KCNIP4: variants seen among roughly 807,000 people sequenced by gnomAD.
KCNIP4 encodes Kv channel-interacting protein 4.
Under a neutral mutation model 34.0 loss-of-function variants are expected in KCNIP4, and 12 were observed. That is an observed-to-expected ratio of 0.35 (90% CI 0.23 to 0.57). The LOEUF is 0.57. Among genes scored for constraint, KCNIP4 ranks in the 20% least tolerant of loss-of-function variants. The probability of loss-of-function intolerance (pLI) is 0.83; values close to 1 mark genes in which losing one functional copy is unlikely to be tolerated. For synonymous variants in KCNIP4, 124 were observed against 102.2 expected (o/e 1.21, Z -1.29); for missense variants, 238 against 311.7 (o/e 0.76, Z 1.78).
At chr4:20,856,497 A>C (rs937406419) in intron 2 of KCNIP4, among the ~76,000 whole-genome samples, 13 of 152,112 alleles carry the variant, frequency 8.5e-5, no homozygotes, top group African/African-American at 2.9e-4. Flanking sequence ...TGATCTGCTC[A>C]TGTTTGTTTT....
At chr4:21,038,738 G>C (rs1356085978) in intron 1 of KCNIP4, among the ~76,000 whole-genome samples, 1 of 152,180 alleles carries the variant, frequency 6.6e-6, no homozygotes, top group East Asian at 1.9e-4. Flanking sequence ...TAAATTCCAA[G>C]TATTTTACAA....
chr4:21,556,935 A>AAAACAAAAAAAAACAAAAC (rs1270870368), intron 1 of KCNIP4, among the ~76,000 whole-genome samples: 272 of 149,214 alleles, frequency 1.8e-3, no homozygotes, highest in Non-Finnish European at 3.0e-3. Flanking sequence ...AAAAAAAAAA[A>AAAACAAAAAAAAACAAAAC]AAAAAAAACC....
intron 3 of KCNIP4, among the ~76,000 whole-genome samples, chr4:20,782,163 T>A (rs1387078145): frequency 6.6e-6 from 1 of 152,156 alleles, no homozygotes; most frequent in Non-Finnish European, 1.5e-5. Context: ...CTTGGGAAGC[T>A]CTGCCCCTGT....
chr4:20,780,739 C>A (rs571893556), intron 3 of KCNIP4, among the ~76,000 whole-genome samples: 48 of 152,216 alleles, frequency 3.2e-4, no homozygotes, highest in African/African-American at 1.1e-3. Flanking sequence ...GTTATTAGCA[C>A]GGAGAAAAGG....
intron 1 of KCNIP4, among the ~76,000 whole-genome samples, chr4:21,483,933 C>G (rs370591405): frequency 6.3e-4 from 96 of 152,244 alleles, no homozygotes; most frequent in Middle Eastern, 3.4e-3. Flanking sequence ...TTTCCTGAGG[C>G]CTCCCAGGAA....
At chr4:21,573,233 G>C (rs1221846895) in intron 1 of KCNIP4, among the ~76,000 whole-genome samples, 2 of 152,112 alleles carry the variant, frequency 1.3e-5, no homozygotes, top group East Asian at 3.9e-4. Flanking sequence ...GTCAGGCACA[G>C]TACCAGGAAC....
chr4:20,776,562 T>C (rs1283047489), intron 3 of KCNIP4, among the ~76,000 whole-genome samples: 1 of 152,228 alleles, frequency 6.6e-6, no homozygotes, highest in African/African-American at 2.4e-5. Context: ...CTGAAAGAAT[T>C]AGAATGCTAT....
At chr4:20,937,261 G>GT (rs1216837771) in intron 1 of KCNIP4, among the ~76,000 whole-genome samples, 3 of 80,800 alleles carry the variant, frequency 3.7e-5, no homozygotes, top group African/African-American at 4.9e-5. Context: ...TTGAGACAGA[G>GT]TTTTGCTCTG....
chr4:21,003,655 C>T (rs1419815067), intron 1 of KCNIP4, among the ~76,000 whole-genome samples: 1 of 152,160 alleles, frequency 6.6e-6, no homozygotes, highest in African/African-American at 2.4e-5. Context: ...GGTCACATGG[C>T]TGGTTAGTGG....
At chr4:21,273,573 G>T (rs2109141710) in intron 1 of KCNIP4, among the ~76,000 whole-genome samples, 1 of 152,180 alleles carries the variant, frequency 6.6e-6, no homozygotes, top group Middle Eastern at 3.4e-3. Flanking sequence ...TTCCATGATC[G>T]TTTTACTTTC....
chr4:21,295,006 A>G (rs1763756575), intron 1 of KCNIP4, among the ~76,000 whole-genome samples: 1 of 152,160 alleles, frequency 6.6e-6, no homozygotes, highest in South Asian at 2.1e-4. Flanking sequence ...TGTTCAAGGA[A>G]TATTATTTGA....
At chr4:21,693,572 T>A (rs550888017) in intron 1 of KCNIP4, among the ~76,000 whole-genome samples, 180 of 152,008 alleles carry the variant, frequency 1.2e-3, no homozygotes, top group East Asian at 4.7e-3. Flanking sequence ...CAAAAATAAA[T>A]AAATAAATAA....
At chr4:21,149,348 C>T (rs141050135) in intron 1 of KCNIP4, among the ~76,000 whole-genome samples, 1 of 152,206 alleles carries the variant, frequency 6.6e-6, no homozygotes, top group Admixed American at 6.5e-5. Context: ...CCAAAAACCA[C>T]ATAACTGGAG....
At chr4:20,785,118 G>C (rs1711781816) in intron 3 of KCNIP4, among the ~76,000 whole-genome samples, 1 of 152,070 alleles carries the variant, frequency 6.6e-6, no homozygotes, top group African/African-American at 2.4e-5. Flanking sequence ...CAAATGTGAG[G>C]CAGGGCTAGC....
intron 1 of KCNIP4, among the ~76,000 whole-genome samples, chr4:21,293,284 G>T (rs1464614547): frequency 2.0e-5 from 3 of 152,122 alleles, no homozygotes; most frequent in African/African-American, 7.2e-5. Flanking sequence ...AAGCTCAAAG[G>T]AGTCAAGTAT....
intron 1 of KCNIP4, among the ~76,000 whole-genome samples, chr4:21,813,318 A>T (rs1204290216): frequency 6.6e-6 from 1 of 152,234 alleles, no homozygotes; most frequent in Non-Finnish European, 1.5e-5. Flanking sequence ...TATTTTAACA[A>T]GAACAAATAG....
At chr4:21,767,650 T>TTCATTACATATCCTGAAATATGAA (rs1004676594) in intron 1 of KCNIP4, among the ~76,000 whole-genome samples, 2 of 152,056 alleles carry the variant, frequency 1.3e-5, no homozygotes, top group African/African-American at 4.8e-5. Flanking sequence ...AAAGAAAACT[T>TTCATTACATATCCTGAAATATGAA]ACAAAAAATT....
At chr4:21,252,373 G>A (rs946487540) in intron 1 of KCNIP4, among the ~76,000 whole-genome samples, 3 of 151,946 alleles carry the variant, frequency 2.0e-5, no homozygotes, top group African/African-American at 4.8e-5. Flanking sequence ...TGATCCGCCC[G>A]CCTCGGCCTC....
chr4:21,844,973 G>T (rs576247086), intron 1 of KCNIP4: 3 of 151,094 alleles, frequency 2.0e-5, no homozygotes, highest in Admixed American at 1.3e-4. Context: ...AAAAAAAGAG[G>T]TTCTAAAACT....
Sources: allele counts gnomAD v4.1 joint callset (sites outside exome capture counted in the v4.1 genomes callset), GRCh38; gene constraint gnomAD v4.1.1; transcripts MANE v1.5; gene names NCBI Gene and HGNC (gene_info 2026-07-23, HGNC 2026-07-21).